Variants in QPCTL observed in about 807,000 individuals in gnomAD.
The protein encoded by QPCTL is glutaminyl-peptide cyclotransferase-like protein.
A neutral mutation model predicts 34.6 loss-of-function variants in QPCTL; 31 were observed. The observed-to-expected ratio is 0.90, with a 90% confidence interval of 0.67 to 1.21. The LOEUF is 1.21. Ranked by LOEUF, QPCTL falls within the 50% of genes most tolerant of loss-of-function variation. QPCTL has a pLI of 0.00. For missense variants in QPCTL, 474 were observed against 507.8 expected, an observed-to-expected ratio of 0.93 and a Z score of 0.64; for synonymous variants, 223 against 226.9, an observed-to-expected ratio of 0.98 and a Z score of 0.15.
chr19:45,700,107 A>G (rs1388752596), intron 5 of QPCTL, among the ~76,000 whole-genome samples: 2 of 151,612 alleles, frequency 1.3e-5, no homozygotes, highest in Non-Finnish European at 2.9e-5. Context: ...CTCAAAAAAA[A>G]GTAATAATAA....
At chr19:45,697,079 C>G (rs187321094) in intron 3 of QPCTL, among the ~76,000 whole-genome samples, 1 of 152,058 alleles carries the variant, frequency 6.6e-6, no homozygotes, top group East Asian at 1.9e-4. Flanking sequence ...GAGATCGCAC[C>G]ACTGCACTCC....
intron 1 of QPCTL, 27 bp from the exon 2 acceptor site, chr19:45,693,386 C>G: frequency 2.5e-6 from 4 of 1,593,806 alleles, no homozygotes; most frequent in Non-Finnish European, 3.4e-6. Flanking sequence ...CTCATTCTTC[C>G]CTTCCCTATC....
At chr19:45,700,027 G>A (rs1224086478) in intron 5 of QPCTL, among the ~76,000 whole-genome samples, 1 of 151,804 alleles carries the variant, frequency 6.6e-6, no homozygotes, top group Admixed American at 6.6e-5. Context: ...CTTGAGTCTG[G>A]GAGGTCGAGG....
At position 45,693,453 on chromosome 19, in the gene QPCTL, G is replaced by GGGT; in HGVS notation, c.254_256dup (p.Val85dup). 6.2e-7 allele frequency: 1 copy of GGGT among 1,612,978 alleles called. No homozygotes were observed. Among genetic ancestry groups the GGGT allele is most frequent in the East Asian group, 2.2e-5 (1 of 44,806 alleles). ...AGCCTCCCCGAAGCCCGGCTGCGGA[G>GGGT]GGTGGTGGGACAACTGGATCCACAG... is the stretch of plus-strand genomic sequence containing the variant. On this transcript the variant is annotated inframe_insertion, in exon 2 of 7. Transcript: ENST00000012049.
intron 3 of QPCTL, among the ~76,000 whole-genome samples, chr19:45,696,209 G>C (rs1313426753): frequency 1.3e-5 from 2 of 151,848 alleles, no homozygotes; most frequent in Non-Finnish European, 2.9e-5. Flanking sequence ...TCACTCTGCT[G>C]TAGCCACCCC....
At position 45,694,996 on chromosome 19, in the gene QPCTL, A is replaced by G. The variant is rs1480259526; in HGVS notation, c.352-441A>G. 2.0e-5 allele frequency among the ~76,000 whole-genome samples: 3 copies of G among 152,042 alleles called. No individual in the cohort carries two copies. In the East Asian group the frequency reaches 5.8e-4, roughly 29 times the overall value. ...CTGTCAAGGGAATGATTTTAATCAGAGTAGGGGGCTGGGCACAGTGGCTCA... is the reference window on the plus strand; with the variant it reads ...CTGTCAAGGGAATGATTTTAATCAGGGTAGGGGGCTGGGCACAGTGGCTCA... On this transcript the variant is annotated intron_variant, in intron 2 of 6. Transcript: ENST00000012049.
chr19:45,694,623 A>G (rs1967654077), intron 2 of QPCTL, among the ~76,000 whole-genome samples: 2 of 151,796 alleles, frequency 1.3e-5, no homozygotes, highest in South Asian at 4.2e-4. Flanking sequence ...GGTGTGCACC[A>G]CCATGCCTGG....
chr19:45,692,753 G>A lies in QPCTL; in HGVS notation c.50G>A (p.Gly17Asp). The A allele has an allele frequency of 6.3e-7, 1 of 1,580,346 alleles. No homozygotes were observed. ...GRPRLRLGERGLMEPLLPPKR... is the reference protein window; with the variant it reads ...GRPRLRLGERDLMEPLLPPKR... ...CCCCGCCTGCGGCTGGGGGAACGTG[G>A]CCTCATGGAGCCACTCTTGCCGCCG... The change falls in exon 1 of 7, where the codon GGC (glycine) becomes GAC (aspartate). Residue 17 changes from glycine to aspartate, a missense_variant. By Grantham distance (94) the Gly-to-Asp change is moderately conservative. Coordinates refer to ENST00000012049, the MANE Select transcript of QPCTL (RefSeq NM_017659.4).
rs1967841861 is a variant in QPCTL at position 45,703,110 on chromosome 19, G to C, written c.*61G>C. ...AGAGAAGGTCCCAGCGGGGGCCAGTGAAGCTCAGGCAGGATCTGCCTAGGG... is the reference window on the plus strand; with the variant it reads ...AGAGAAGGTCCCAGCGGGGGCCAGTCAAGCTCAGGCAGGATCTGCCTAGGG... On this transcript the variant is annotated 3_prime_UTR_variant, in exon 7 of 7. Coordinates refer to ENST00000012049, the MANE Select transcript of QPCTL (RefSeq NM_017659.4). The C allele has an allele frequency of 1.3e-6, 2 of 1,598,668 alleles. No individual in the cohort carries two copies. Among genetic ancestry groups the C allele is most frequent in the African/African-American group, 1.3e-5 (1 of 74,598 alleles).
At chr19:45,700,774 T>C (rs556781559) in intron 5 of QPCTL, among the ~76,000 whole-genome samples, 329 of 151,786 alleles carry the variant, frequency 2.2e-3, no homozygotes, top group African/African-American at 6.9e-3. Context: ...GCTTGGCCAA[T>C]ATGGTGAAAC....
chr19:45,696,275 C>T (rs1483104849), intron 3 of QPCTL, among the ~76,000 whole-genome samples: 2 of 152,098 alleles, frequency 1.3e-5, no homozygotes, highest in African/African-American at 4.8e-5. Flanking sequence ...AGGGCATCTG[C>T]ACTTGCTGTT....
chr19:45,692,969 C>G, intron 1 of QPCTL, 59 bp downstream of exon 1: 3 of 1,484,840 alleles, frequency 2.0e-6, no homozygotes, highest in Non-Finnish European at 2.7e-6. Flanking sequence ...CCGCTGTTAC[C>G]CAGGGTTGAC....
At chr19:45,698,165 C>G (rs1442126355) in intron 3 of QPCTL, among the ~76,000 whole-genome samples, 2 of 151,810 alleles carry the variant, frequency 1.3e-5, no homozygotes, top group Non-Finnish European at 2.9e-5. Context: ...ATCTCTTGAA[C>G]CTGGGAGGTA....
At chr19:45,698,494 G>A in intron 3 of QPCTL, 53 bp from the exon 4 acceptor site, 3 of 1,604,748 alleles carry the variant, frequency 1.9e-6, no homozygotes. Flanking sequence ...GGTATGTTGA[G>A]GCTGAGGGCT....
intron 6 of QPCTL, among the ~76,000 whole-genome samples, chr19:45,702,678 C>T (rs925651178): frequency 6.6e-6 from 1 of 151,380 alleles, no homozygotes; most frequent in African/African-American, 2.4e-5. Flanking sequence ...ACGGTAGAAT[C>T]GCTGGAACCT....
In QPCTL at chr19:45,692,683, A is replaced by G. The variant is rs1306921565; in HGVS notation, c.-21A>G. ...CTAAACTCAATCCGTGGTCTGGTAC[A>G]GGTTTCAGGGCAAAGCGGCCATGCG... is the stretch of plus-strand genomic sequence containing the variant. On this transcript the variant is annotated 5_prime_UTR_variant, in exon 1 of 7. Transcript: ENST00000012049. The G allele has an allele frequency of 6.6e-7, 1 of 1,509,582 alleles. No homozygotes were observed. Among genetic ancestry groups the G allele is most frequent in the Admixed American group, 2.2e-5 (1 of 44,800 alleles). 93.5% of individuals were successfully genotyped at this position (1,509,582 alleles called of 1,614,324 possible). A position where few individuals can be genotyped will look rare whatever the true frequency, so the allele number is the denominator to read the frequency against.
At chr19:45,697,425 C>CA (rs36004965) in intron 3 of QPCTL, among the ~76,000 whole-genome samples, 101,088 of 129,358 alleles carry the variant, frequency 0.78, 38,555 homozygotes, top group Middle Eastern at 0.85. Flanking sequence ...GACTCCGTCT[C>CA]AAAAAAAAAA....
intron 3 of QPCTL, 52 bp from the exon 4 acceptor site, chr19:45,698,495 G>T: frequency 5.6e-6 from 9 of 1,605,680 alleles, no homozygotes; most frequent in Non-Finnish European, 6.8e-6. Context: ...GTATGTTGAG[G>T]CTGAGGGCTA....
At chr19:45,698,748 C>T in intron 4 of QPCTL, 49 bp downstream of exon 4, 1 of 1,613,508 alleles carries the variant, frequency 6.2e-7, no homozygotes. Context: ...GCAGGTTAAG[C>T]AGGGCTGGCG....
Sources: gnomAD v4.1 joint callset for allele counts (sites outside exome capture counted in the v4.1 genomes callset) on GRCh38, gnomAD v4.1.1 for gene constraint, MANE v1.5 for transcripts, NCBI Gene and HGNC (gene_info 2026-07-23, HGNC 2026-07-21) for gene names.